FXR1: variants seen among roughly 807,000 people sequenced by gnomAD.
FXR1 encodes the protein FMR1 autosomal homolog 1.
In FXR1, 15 loss-of-function variants were observed where a neutral mutation model predicts 84.0. The ratio of observed to expected loss-of-function variants is 0.18; its 90% CI spans 0.12 to 0.27. The LOEUF is 0.27. Ranked by LOEUF, FXR1 falls within the 10% of genes least tolerant of loss-of-function variation. The pLI is 1.00. For missense variants in FXR1, 480 were observed against 774.4 expected (o/e 0.62, Z 4.51); for synonymous variants, 245 against 250.7 (o/e 0.98, Z 0.21).
Position 180,927,662 on chromosome 3 carries a change from C to G in FXR1, c.52-5672C>G, listed in dbSNP as rs752491889. ...TTCCCCCACAGGCCATTTAAGCACCCGTCTAAAAAAAAATGAGTAGATCTT... is the reference window on the plus strand; with the variant it reads ...TTCCCCCACAGGCCATTTAAGCACCGGTCTAAAAAAAAATGAGTAGATCTT... On this transcript the variant is annotated intron_variant, in intron 1 of 16. Coordinates refer to ENST00000357559, the MANE Select transcript of FXR1 (RefSeq NM_005087.4). The G allele has an allele frequency of 5.6e-6, 3 of 531,860 alleles. No individual in the cohort carries two copies. The African/African-American group carries it at 6.0e-5, about 11-fold the overall frequency. 32.9% of individuals were successfully genotyped at this position (531,860 alleles called of 1,614,324 possible).
chr3:180,979,639 T>G lies in FXR1; in HGVS notation c.*3347T>G, dbSNP rs189429564. ...AACCCATGTTAATCTCTGATAGTAT[T>G]TGGGTTTTATTTCAGGAGCTTTTGC... On this transcript the variant is annotated 3_prime_UTR_variant, in exon 17 of 17. Coordinates refer to ENST00000357559, the MANE Select transcript of FXR1 (RefSeq NM_005087.4). 9.9e-5 allele frequency: 15 copies of G among 152,138 alleles called. No homozygotes were observed. Among genetic ancestry groups the G allele is most frequent in the Admixed American group, 9.2e-4 (14 of 15,262 alleles). 9.4% of individuals were successfully genotyped at this position (152,138 alleles called of 1,614,324 possible).
intron 1 of FXR1, among the ~76,000 whole-genome samples, chr3:180,922,052 AT>A (rs1295023141): frequency 2.0e-5 from 3 of 152,188 alleles, no homozygotes; most frequent in Non-Finnish European, 4.4e-5. Flanking sequence ...AGTATGATTT[AT>A]TTTTTAAGGT....
intron 3 of FXR1, among the ~76,000 whole-genome samples, chr3:180,939,956 A>C (rs1334212354): frequency 6.6e-6 from 1 of 152,210 alleles, no homozygotes; most frequent in Admixed American, 6.5e-5. Context: ...GAAATGGTTA[A>C]GTATTGACAG....
At chr3:180,960,449 A>G (rs1711952462) in intron 10 of FXR1, among the ~76,000 whole-genome samples, 1 of 152,140 alleles carries the variant, frequency 6.6e-6, no homozygotes, top group Non-Finnish European at 1.5e-5. Flanking sequence ...AAGTTTATAG[A>G]CAGTTTGAAG....
At chr3:180,954,901 T>G (rs1722593171) in intron 9 of FXR1, among the ~76,000 whole-genome samples, 1 of 148,422 alleles carries the variant, frequency 6.7e-6, no homozygotes, top group South Asian at 2.1e-4. Flanking sequence ...TTTTGGTCAT[T>G]AGTAAGTAGT....
At chr3:180,965,089 T>C (rs531724512) in intron 13 of FXR1, among the ~76,000 whole-genome samples, 26 of 152,232 alleles carry the variant, frequency 1.7e-4, no homozygotes, top group South Asian at 1.0e-3. Flanking sequence ...CAATCTCGGC[T>C]CACCGCAACC....
At chr3:180,930,344 A>G (rs1208138504) in intron 1 of FXR1, among the ~76,000 whole-genome samples, 1 of 152,152 alleles carries the variant, frequency 6.6e-6, no homozygotes, top group East Asian at 1.9e-4. Context: ...ACTGATGTTT[A>G]TGGTGGAAGC....
At position 180,951,459 on chromosome 3, in the gene FXR1, C is replaced by T; in HGVS notation, c.792C>T (p.Ile264=). 6.2e-7 allele frequency: 1 copy of T among 1,609,620 alleles called. No individual in the cohort carries two copies. The highest frequency in any genetic ancestry group is 8.5e-7 in the Non-Finnish European group (1 of 1,176,886). The change falls in exon 8 of 17, where the codon ATC becomes ATT. Residue 264 remains isoleucine, a synonymous_variant. Transcript: ENST00000357559. ...ELDEDTGTFR[I]YGESADAVKK... ...ATGAAGATACTGGAACATTCAGAAT[C>T]TACGGAGAGGTAAGTTCTCTTTCTC...
chr3:180,967,715 G>A (rs886743174), intron 13 of FXR1, among the ~76,000 whole-genome samples: 1 of 151,658 alleles, frequency 6.6e-6, no homozygotes, highest in Non-Finnish European at 1.5e-5. Flanking sequence ...TTGCTGATGA[G>A]ATGGTCACAC....
At chr3:180,972,447 C>T (rs1001098866) in intron 15 of FXR1, among the ~76,000 whole-genome samples, 4 of 151,976 alleles carry the variant, frequency 2.6e-5, no homozygotes, top group African/African-American at 7.2e-5. Context: ...CAGTGAGACC[C>T]TGTCTCAAAA....
At chr3:180,973,018 A>T (rs561100573) in intron 15 of FXR1, among the ~76,000 whole-genome samples, 9 of 152,296 alleles carry the variant, frequency 5.9e-5, no homozygotes, top group African/African-American at 2.2e-4. Context: ...TCTTTACCAC[A>T]CTTAGAATGT....
chr3:180,920,383 T>C (rs1356790420), intron 1 of FXR1, among the ~76,000 whole-genome samples: 2 of 152,196 alleles, frequency 1.3e-5, no homozygotes, highest in Admixed American at 1.3e-4. Context: ...TCAAACTGAA[T>C]TTAAATGATT....
At chr3:180,927,632 C>CT (rs778747024) in intron 1 of FXR1, 5 of 572,462 alleles carry the variant, frequency 8.7e-6, no homozygotes, top group Admixed American at 3.4e-5. Flanking sequence ...ATCCTGTGTA[C>CT]TTTTTTCCCC....
rs1285595589 is a variant in FXR1 at position 180,947,953 on chromosome 3, C to G, written c.270+17C>G. On this transcript the variant is annotated intron_variant, in intron 4 of 16. Transcript: ENST00000357559. Reference sequence around the variant, plus strand: ...AAAGGAGAAGTAAGTACTCTTCACACTTGCTTTGTGACTAGTTTCTAAGGA... The same window carrying G: ...AAAGGAGAAGTAAGTACTCTTCACAGTTGCTTTGTGACTAGTTTCTAAGGA... 4 of 1,494,234 alleles carry G rather than the reference C, an allele frequency of 2.7e-6. No homozygotes were observed. The Admixed American group carries it at 7.0e-5, about 26-fold the overall frequency. The allele number at this position is 1,494,234 out of a possible 1,614,324, so 92.6% of individuals were successfully genotyped here.
chr3:180,941,405 C>T (rs1010025446), intron 3 of FXR1, among the ~76,000 whole-genome samples: 1 of 152,040 alleles, frequency 6.6e-6, no homozygotes, highest in East Asian at 1.9e-4. Flanking sequence ...GGTGCCCAAG[C>T]GAGTCTTGAA....
At position 180,970,227 on chromosome 3, in the gene FXR1, C is replaced by T; in HGVS notation, c.1472C>T (p.Thr491Ile). The T allele has an allele frequency of 6.2e-7, 1 of 1,603,398 alleles. No homozygotes were observed. The highest frequency in any genetic ancestry group is 8.5e-7 in the Non-Finnish European group (1 of 1,170,500). ...DNTESDQTAD[T>I]DASESHHSTN... Reference sequence around the variant, plus strand: ...ACAGAATCAGATCAGACTGCAGACACTGATGCCAGCGAATCTCATCACAGT... The same window carrying T: ...ACAGAATCAGATCAGACTGCAGACATTGATGCCAGCGAATCTCATCACAGT... The change falls in exon 15 of 17, where the codon ACT (threonine) becomes ATT (isoleucine). Residue 491 changes from threonine to isoleucine, a missense_variant. Transcript: ENST00000357559.
At chr3:180,937,128 T>C (rs756391) in intron 3 of FXR1, among the ~76,000 whole-genome samples, 26,056 of 152,202 alleles carry the variant, frequency 0.17, 2,468 homozygotes, top group South Asian at 0.25. Flanking sequence ...ATAAAGGGCT[T>C]GATTCATTTT....
chr3:180,963,242 T>C, intron 13 of FXR1, 152 bp downstream of exon 13: 1 of 550,078 alleles, frequency 1.8e-6, no homozygotes, highest in South Asian at 2.7e-5. Context: ...CACGTCTTAA[T>C]AGTAGTGATA....
intron 7 of FXR1, among the ~76,000 whole-genome samples, chr3:180,949,592 C>T (rs1722015506): frequency 6.6e-6 from 1 of 152,168 alleles, no homozygotes; most frequent in Admixed American, 6.5e-5. Context: ...GCCATGTTGG[C>T]CAGGCTGGTC....
Sources: gnomAD v4.1 joint callset for allele counts (sites outside exome capture counted in the v4.1 genomes callset) on GRCh38, gnomAD v4.1.1 for gene constraint, MANE v1.5 for transcripts, NCBI Gene and HGNC (gene_info 2026-07-23, HGNC 2026-07-21) for gene names.